RALGAPB: variants seen among roughly 807,000 people sequenced by gnomAD.
RALGAPB encodes Ral GTPase activating protein non-catalytic subunit beta, also known as ral GTPase-activating protein subunit beta.
Under a neutral mutation model 161.1 loss-of-function variants are expected in RALGAPB, and 25 were observed. That is an observed-to-expected ratio of 0.16 (90% CI 0.11 to 0.22). The LOEUF (loss-of-function observed/expected upper bound fraction) is 0.22. RALGAPB is among the 10% of genes least tolerant of loss of function. RALGAPB has a pLI of 1.00. For missense variants in RALGAPB, 1,391 were observed against 1,815.2 expected (o/e 0.77, Z 4.25); for synonymous variants, 629 against 626.1 (o/e 1.00, Z -0.07).
Position 38,524,915 on chromosome 20 carries a change from T to G in RALGAPB, c.1757T>G (p.Ile586Ser), listed in dbSNP as rs2086411609. 6.2e-7 allele frequency: 1 copy of G among 1,611,476 alleles called. No individual in the cohort carries two copies. Among genetic ancestry groups the G allele is most frequent in the African/African-American group, 1.3e-5 (1 of 74,870 alleles). ...ATTGATGTTGTGGTTCCTTACTTTA[T>G]TTCAGCTCTTGAAACCATTTTGCCT... ...KGIDVVVPYF[I>S]SALETILPDR... The change falls in exon 11 of 30, where the codon ATT (isoleucine) becomes AGT (serine). Residue 586 changes from isoleucine to serine, a missense_variant. Physicochemically the swap from Ile to Ser is moderately radical, Grantham distance 142. Around this residue, in one of 3 missense-constraint regions of RALGAPB, gnomAD observed 946 missense variants for 1,257.2 expected, o/e 0.75. Transcript: ENST00000262879.
Position 38,574,791 on chromosome 20 carries a change from A to G in RALGAPB, c.4309A>G (p.Thr1437Ala). The G allele has an allele frequency of 6.2e-7, 1 of 1,613,892 alleles. No individual in the cohort carries two copies. The highest frequency in any genetic ancestry group is 8.5e-7 in the Non-Finnish European group (1 of 1,179,774). ...TTTTCAAGGCTTTCTGGTGAGGCAG[A>G]CTGTAATTAACATTTGTAGAAGAAA... ...RRALGFLVRQ[T>A]VINICRRKRL... Residue 1437 changes from threonine to alanine, a missense_variant, in exon 30 of 30, where the codon ACT becomes GCT. By Grantham distance (58) the Thr-to-Ala change is moderately conservative. Coordinates refer to ENST00000262879, the MANE Select transcript of RALGAPB (RefSeq NM_020336.4).
chr20:38,486,068 C>G (rs1278053336), intron 1 of RALGAPB, among the ~76,000 whole-genome samples: 2 of 140,730 alleles, frequency 1.4e-5, no homozygotes, highest in Admixed American at 1.6e-4. Context: ...CTCCCGGTTT[C>G]ACGTGATTTT....
chr20:38,517,879 G>A lies in RALGAPB; in HGVS notation c.1296G>A (p.Leu432=). 2.5e-6 allele frequency: 4 copies of A among 1,613,764 alleles called. No individual in the cohort carries two copies. The highest frequency in any genetic ancestry group is 3.4e-6 in the Non-Finnish European group (4 of 1,179,722). The change falls in exon 9 of 30, where the codon CTG becomes CTA. Residue 432 remains leucine, a synonymous_variant. Coordinates refer to ENST00000262879, the MANE Select transcript of RALGAPB (RefSeq NM_020336.4). ...AGACTAGTTCAGAACCCCGGCCACTGCCTGCCCCTCGGAGACCAAAGGTTA... is the reference window on the plus strand; with the variant it reads ...AGACTAGTTCAGAACCCCGGCCACTACCTGCCCCTCGGAGACCAAAGGTTA... ...PNQTSSEPRP[L]PAPRRPKVNS... is the part of the protein sequence containing the mutation.
At chr20:38,498,599 G>A (rs1048969134) in intron 4 of RALGAPB, among the ~76,000 whole-genome samples, 1 of 152,274 alleles carries the variant, frequency 6.6e-6, no homozygotes, top group African/African-American at 2.4e-5. Context: ...TCAACAGCAT[G>A]AGGCAGACAA....
chr20:38,571,315 T>A (rs978325155), intron 28 of RALGAPB, among the ~76,000 whole-genome samples: 1 of 152,208 alleles, frequency 6.6e-6, no homozygotes, highest in Non-Finnish European at 1.5e-5. Flanking sequence ...ATACTGTTGA[T>A]CTTTAGGACT....
rs1261708852 is a variant in RALGAPB at position 38,577,191 on chromosome 20, A to G, written c.*2224A>G. The G allele has an allele frequency of 1.3e-5, 2 of 152,212 alleles. No individual in the cohort carries two copies. The highest frequency in any genetic ancestry group is 6.5e-5 in the Admixed American group (1 of 15,284). 9.4% of individuals were successfully genotyped at this position (152,212 alleles called of 1,614,324 possible). ...CAGGCGCTGGTTCCTTCTGCTCACA[A>G]TAACATCTGCCCAAAGAGGGAGTGG... On this transcript the variant is annotated 3_prime_UTR_variant, in exon 30 of 30. Coordinates refer to ENST00000262879, the MANE Select transcript of RALGAPB (RefSeq NM_020336.4).
At chr20:38,501,853 A>AC (rs2085605730) in intron 5 of RALGAPB, among the ~76,000 whole-genome samples, 1 of 152,230 alleles carries the variant, frequency 6.6e-6, no homozygotes, top group African/African-American at 2.4e-5. Context: ...GTGCAAATGA[A>AC]CCGTGTATCC....
chr20:38,570,896 T>C (rs6070645), intron 28 of RALGAPB, 49 bp downstream of exon 28: 27,558 of 1,193,988 alleles, frequency 0.023, 558 homozygotes, highest in African/African-American at 0.095. Flanking sequence ...TTTTAACATA[T>C]TGATTGCAGC....
At chr20:38,486,889 A>G (rs1011098) in intron 1 of RALGAPB, among the ~76,000 whole-genome samples, 17,004 of 152,216 alleles carry the variant, frequency 0.11, 2,572 homozygotes, top group African/African-American at 0.34. Flanking sequence ...CACATGGTCA[A>G]TGTCCACTGT....
chr20:38,558,467 A>T lies in RALGAPB; in HGVS notation c.3531+14A>T. On this transcript the variant is annotated intron_variant, in intron 23 of 29. Coordinates refer to ENST00000262879, the MANE Select transcript of RALGAPB (RefSeq NM_020336.4). ...ACGAACCAAGAGGTAAGAGTTACGA[A>T]TTTTTTTTTTTTGGTATGTTTTTGT... 7 of 1,257,404 alleles carry T rather than the reference A, an allele frequency of 5.6e-6. No individual in the cohort carries two copies. Among genetic ancestry groups the T allele is most frequent in the Non-Finnish European group, 6.5e-6 (6 of 924,416 alleles). 77.9% of individuals were successfully genotyped at this position (1,257,404 alleles called of 1,614,324 possible).
chr20:38,573,090 T>A (rs1235858908), intron 28 of RALGAPB, among the ~76,000 whole-genome samples: 3 of 151,528 alleles, frequency 2.0e-5, no homozygotes, highest in African/African-American at 4.8e-5. Context: ...TTTTTTTTTT[T>A]AATTTAAAAA....
intron 24 of RALGAPB, among the ~76,000 whole-genome samples, chr20:38,563,890 T>C (rs1268181545): frequency 2.0e-5 from 3 of 152,186 alleles, no homozygotes; most frequent in African/African-American, 7.2e-5. Flanking sequence ...TCTCTAATAG[T>C]GCAGAAAGGC....
At chr20:38,485,243 G>T (rs1303581) in intron 1 of RALGAPB, among the ~76,000 whole-genome samples, 97,076 of 151,982 alleles carry the variant, frequency 0.64, 35,467 homozygotes, top group East Asian at 0.91. Context: ...GTCTCATGCA[G>T]TACAGGATGT....
At chr20:38,548,919 G>C (rs1196017569) in intron 20 of RALGAPB, 124 bp downstream of exon 20, 1 of 756,308 alleles carries the variant, frequency 1.3e-6, no homozygotes, top group Non-Finnish European at 2.2e-6. Flanking sequence ...TCAGTCAGTG[G>C]GTTCATATCA....
chr20:38,510,781 G>A (rs1401202801), intron 6 of RALGAPB, among the ~76,000 whole-genome samples: 1 of 140,578 alleles, frequency 7.1e-6, no homozygotes, highest in Non-Finnish European at 1.5e-5. Flanking sequence ...GTAGTGGCGG[G>A]CGCCTGTAGT....
intron 16 of RALGAPB, among the ~76,000 whole-genome samples, chr20:38,537,368 G>A (rs995696337): frequency 6.6e-6 from 1 of 152,166 alleles, no homozygotes; most frequent in African/African-American, 2.4e-5. Flanking sequence ...GCTGGGCATG[G>A]TGACTCATGC....
intron 27 of RALGAPB, 150 bp downstream of exon 27, chr20:38,570,146 C>T (rs2088178705): frequency 1.7e-6 from 1 of 596,036 alleles, no homozygotes; most frequent in Non-Finnish European, 3.0e-6. Flanking sequence ...AGCTCCACTA[C>T]TCAGTTTCTT....
chr20:38,525,296 A>G (rs1273577869), intron 11 of RALGAPB, 108 bp from the exon 12 acceptor site: 2 of 761,804 alleles, frequency 2.6e-6, no homozygotes, highest in East Asian at 2.6e-5. Flanking sequence ...TATACAATAT[A>G]CAAATACACA....
chr20:38,519,386 A>ATTTTTCT (rs1303253909), intron 9 of RALGAPB, among the ~76,000 whole-genome samples: 1 of 151,436 alleles, frequency 6.6e-6, no homozygotes, highest in Non-Finnish European at 1.5e-5. Flanking sequence ...AATCAGTCCT[A>ATTTTTCT]TTTTTCTTTT....
Sources: allele counts gnomAD v4.1 joint callset (sites outside exome capture counted in the v4.1 genomes callset), GRCh38; gene constraint gnomAD v4.1.1; regional missense constraint gnomAD v4.1.1; transcripts MANE v1.5; gene names NCBI Gene and HGNC (gene_info 2026-07-23, HGNC 2026-07-21).